Variants in AKR1E2 observed in about 807,000 individuals in gnomAD.
The protein encoded by AKR1E2 is aldo-keto reductase family 1 member E2.
AKR1E2 carries 43 observed loss-of-function variants against 41.9 expected under a neutral mutation model. That is an observed-to-expected ratio of 1.03 (90% confidence interval 0.80 to 1.32). The LOEUF is 1.32. AKR1E2 is among the 40% of genes most tolerant of loss of function. The pLI, the probability that AKR1E2 is intolerant of heterozygous loss-of-function variation, is 0.00. For missense variants in AKR1E2, 423 were observed against 396.5 expected, an observed-to-expected ratio of 1.07 and a Z score of -0.57; for synonymous variants, 121 against 138.9, an observed-to-expected ratio of 0.87 and a Z score of 0.91.
chr10:4,853,442 CA>C, the AKR1E2 span, among the ~76,000 whole-genome samples: 32,875 of 114,626 alleles, frequency 0.29, 3,665 homozygotes, highest in Middle Eastern at 0.43. Flanking sequence ...AACTTGTTGC[CA>C]AAAAAAAAAA....
Position 4,847,135 on chromosome 10 carries a change from G to T in AKR1E2, c.838-13G>T. 6.2e-7 allele frequency: 1 copy of T among 1,613,818 alleles called. No individual in the cohort carries two copies. The highest frequency in any genetic ancestry group is 2.2e-5 in the East Asian group (1 of 44,872). On this transcript the variant is annotated splice_polypyrimidine_tract_variant and intron_variant, in intron 8 of 9. Coordinates refer to ENST00000298375, the MANE Select transcript of AKR1E2 (RefSeq NM_001040177.3). ...AAACTAAGTTTTCTACAAACATTGT[G>T]TTTTGGTTCCAGGTGTTTGATTTTG...
chr10:4,832,506 C>CT (rs780862412), intron 2 of AKR1E2, among the ~76,000 whole-genome samples: 24 of 152,096 alleles, frequency 1.6e-4, no homozygotes, highest in Non-Finnish European at 3.1e-4. Context: ...GAGCAAGTTG[C>CT]TTCTGTGTGG....
At chr10:4,866,258 A>G in the AKR1E2 span, among the ~76,000 whole-genome samples, 74 of 152,360 alleles carry the variant, frequency 4.9e-4, no homozygotes, top group South Asian at 0.015. Flanking sequence ...CCACATCCAC[A>G]TTCTTTTGAC....
chr10:4,845,101 C>T (rs937022008), intron 8 of AKR1E2, among the ~76,000 whole-genome samples: 1 of 152,176 alleles, frequency 6.6e-6, no homozygotes, highest in Non-Finnish European at 1.5e-5. Flanking sequence ...TGGAGCGCAG[C>T]GCCGGTGGGC....
chr10:4,827,088 A>AG (rs550804214), intron 1 of AKR1E2, among the ~76,000 whole-genome samples: 8,688 of 150,680 alleles, frequency 0.058, 302 homozygotes, highest in Non-Finnish European at 0.069. Context: ...AAAAAAAAAA[A>AG]AAAAAGAAAA....
Position 4,830,719 on chromosome 10 carries a change from C to CGCAGGGTACCG in AKR1E2, c.88_98dup (p.His33GlnfsTer31), listed in dbSNP as rs1274211978. 5.0e-6 allele frequency: 8 copies of CGCAGGGTACCG among 1,613,932 alleles called. No individual in the cohort carries two copies. The highest frequency in any genetic ancestry group is 6.8e-6 in the Non-Finnish European group (8 of 1,180,008). ...CCGAGGCAGTGAAAGAGGCCATTGA[C>CGCAGGGTACCG]GCAGGGTACCGGCACTTCGACTGTG... On this transcript the variant is annotated frameshift_variant, in exon 2 of 10. Coordinates refer to ENST00000298375, the MANE Select transcript of AKR1E2 (RefSeq NM_001040177.3). LOFTEE classifies it high-confidence loss of function.
At chr10:4,858,266 G>A in the AKR1E2 span, among the ~76,000 whole-genome samples, 1 of 152,150 alleles carries the variant, frequency 6.6e-6, no homozygotes, top group Non-Finnish European at 1.5e-5. Context: ...GAAAATTGGA[G>A]TCAGTAAGCA....
chr10:4,851,288 C>T (rs758049435), downstream of AKR1E2, among the ~76,000 whole-genome samples: 2 of 152,200 alleles, frequency 1.3e-5, no homozygotes, highest in Admixed American at 6.5e-5. Context: ...CTATCCAGAC[C>T]TAGGTTAGCA....
intron 8 of AKR1E2, among the ~76,000 whole-genome samples, chr10:4,846,542 T>C (rs896915043): frequency 1.4e-4 from 21 of 150,816 alleles, no homozygotes; most frequent in Non-Finnish European, 2.8e-4. Context: ...AAAAATTCTG[T>C]GCCATCCTTT....
the AKR1E2 span, among the ~76,000 whole-genome samples, chr10:4,861,615 C>A: frequency 3.3e-5 from 5 of 152,030 alleles, no homozygotes; most frequent in Non-Finnish European, 7.4e-5. Context: ...GTGATCCTCC[C>A]GCCTCGGTCT....
chr10:4,866,523 G>A, the AKR1E2 span, among the ~76,000 whole-genome samples: 1 of 152,182 alleles, frequency 6.6e-6, no homozygotes, highest in Admixed American at 6.5e-5. Context: ...CATCAAGACA[G>A]GGAAATTGCA....
At chr10:4,841,736 C>T in intron 6 of AKR1E2, 49 bp from the exon 7 acceptor site, 1 of 1,321,534 alleles carries the variant, frequency 7.6e-7, no homozygotes, top group Non-Finnish European at 1.0e-6. Flanking sequence ...AAGAAAGGGG[C>T]ATCCATGTTG....
At position 4,826,301 on chromosome 10, in the gene AKR1E2, G is replaced by A. The variant is rs1832490378; in HGVS notation, c.-24G>A. 2 of 1,232,224 alleles carry A rather than the reference G, an allele frequency of 1.6e-6. No individual in the cohort carries two copies. Among genetic ancestry groups the A allele is most frequent in the Non-Finnish European group, 1.0e-6 (1 of 986,662 alleles). The allele number at this position is 1,232,224 out of a possible 1,614,324, so 76.3% of individuals were successfully genotyped here. A position where few individuals can be genotyped will look rare whatever the true frequency, so the allele number is the denominator to read the frequency against. On this transcript the variant is annotated 5_prime_UTR_variant, in exon 1 of 10. Transcript: ENST00000298375. ...CGGTAGTCGCGTGCGGGGCGGCGGG[G>A]CGGCGGGGCGGCCGGCGGCGGCCAT...
chr10:4,833,332 G>C lies in AKR1E2; in HGVS notation c.208-18G>C. 6.2e-7 allele frequency: 1 copy of C among 1,603,874 alleles called. No individual in the cohort carries two copies. Among genetic ancestry groups the C allele is most frequent in the Non-Finnish European group, 8.5e-7 (1 of 1,170,800 alleles). On this transcript the variant is annotated intron_variant, in intron 2 of 9. Transcript: ENST00000298375. ...CTCTGGGTGGGCACGTGTGACGCTG[G>C]TCCCCTCTCCTTTGTAGCTGTGGTG...
At chr10:4,860,026 GTGTC>G in the AKR1E2 span, among the ~76,000 whole-genome samples, 12 of 152,170 alleles carry the variant, frequency 7.9e-5, no homozygotes, top group African/African-American at 2.9e-4. Flanking sequence ...TCTTCCGCCA[GTGTC>G]TGTCTATCTA....
the AKR1E2 span, among the ~76,000 whole-genome samples, chr10:4,863,573 A>G: frequency 7.2e-5 from 11 of 152,114 alleles, 1 homozygote; most frequent in South Asian, 6.2e-4. Flanking sequence ...GAGCAAACAC[A>G]TTCAAAAGCT....
the AKR1E2 span, among the ~76,000 whole-genome samples, chr10:4,853,356 A>T: frequency 1.3e-5 from 2 of 152,104 alleles, no homozygotes; most frequent in Admixed American, 1.3e-4. Context: ...GCTTTTTCAG[A>T]TAATTGTATT....
intron 6 of AKR1E2, among the ~76,000 whole-genome samples, 177 bp from the exon 7 acceptor site, chr10:4,841,608 T>C (rs921042071): frequency 7.2e-5 from 11 of 152,144 alleles, no homozygotes; most frequent in Non-Finnish European, 1.2e-4. Flanking sequence ...GCAGTGGTTA[T>C]CTCCATACTG....
At chr10:4,859,442 G>T in the AKR1E2 span, among the ~76,000 whole-genome samples, 1 of 152,192 alleles carries the variant, frequency 6.6e-6, no homozygotes, top group African/African-American at 2.4e-5. Context: ...GTAGTTATTT[G>T]ATATGTGAGA....
Sources: gnomAD v4.1 joint callset for allele counts (sites outside exome capture counted in the v4.1 genomes callset) on GRCh38, gnomAD v4.1.1 for gene constraint, MANE v1.5 for transcripts, NCBI Gene and HGNC (gene_info 2026-07-23, HGNC 2026-07-21) for gene names.